PICALM: variants seen among roughly 807,000 people sequenced by gnomAD.
The protein encoded by PICALM is phosphatidylinositol-binding clathrin assembly protein.
In PICALM, 40 loss-of-function variants were observed where a neutral mutation model predicts 80.5. That is an observed-to-expected ratio of 0.50 (90% CI 0.39 to 0.65). PICALM has a LOEUF of 0.65. Among genes scored for constraint, PICALM ranks in the 30% least tolerant of loss-of-function variants. The pLI is 0.00. For missense variants in PICALM, 676 were observed against 778.9 expected, an observed-to-expected ratio of 0.87 and a Z score of 1.57; for synonymous variants, 288 against 260.3, an observed-to-expected ratio of 1.11 and a Z score of -1.02.
intron 18 of PICALM, 58 bp downstream of exon 18, chr11:85,976,565 A>C: frequency 9.6e-7 from 1 of 1,041,244 alleles, no homozygotes; most frequent in East Asian, 2.4e-5. Flanking sequence ...TTGTAATAAA[A>C]ACATGTTATA....
intron 4 of PICALM, among the ~76,000 whole-genome samples, chr11:86,019,718 C>A (rs1362916321): frequency 6.6e-6 from 1 of 152,148 alleles, no homozygotes; most frequent in East Asian, 1.9e-4. Flanking sequence ...AAATAATCAC[C>A]TCCTGATGGA....
At position 86,026,310 on chromosome 11, in the gene PICALM, C is replaced by T; in HGVS notation, c.331G>A (p.Asp111Asn). Reference protein sequence around the residue: ...NTLFNLSNFLDKSGLQGYDMS... With the variant: ...NTLFNLSNFLNKSGLQGYDMS... Reference sequence around the variant, plus strand: ...TCTTTACCTTGCAATCCACTTTTATCCAAAAAATTGCTTAAGTTAAACAAC... The same window carrying T: ...TCTTTACCTTGCAATCCACTTTTATTCAAAAAATTGCTTAAGTTAAACAAC... Residue 111 changes from aspartate to asparagine, a missense_variant, in exon 3 of 20, where the codon GAT becomes AAT. By Grantham distance (23) the Asp-to-Asn change is conservative. Around this residue, in one of 2 missense-constraint regions of PICALM, gnomAD observed 285 missense variants for 395.4 expected, o/e 0.72. Transcript: ENST00000393346. 6.3e-7 allele frequency: 1 copy of T among 1,595,070 alleles called. No individual in the cohort carries two copies. The highest frequency in any genetic ancestry group is 8.6e-7 in the Non-Finnish European group (1 of 1,165,336).
Position 85,996,975 on chromosome 11 carries a change from T to C in PICALM, c.1155-46A>G, listed in dbSNP as rs368049718. 4 of 1,323,392 alleles carry C rather than the reference T, an allele frequency of 3.0e-6. No homozygotes were observed. The African/African-American group carries it at 5.8e-5, about 19-fold the overall frequency. 82.0% of individuals were successfully genotyped at this position (1,323,392 alleles called of 1,614,324 possible). ...CGTGTTTTATTTACCAGAAAAACTT[T>C]GCTACTTTAGTGTCACCTTCTCCAC... On this transcript the variant is annotated intron_variant, in intron 11 of 19. Coordinates refer to ENST00000393346, the MANE Select transcript of PICALM (RefSeq NM_007166.4).
upstream of PICALM, chr11:86,069,354 C>T (rs2137982628): frequency 6.4e-6 from 1 of 155,756 alleles, no homozygotes; most frequent in East Asian, 1.7e-4. Context: ...GCTCGGCCCG[C>T]GGGGTCACAG....
chr11:85,963,003 A>G (rs10898427), intron 19 of PICALM, among the ~76,000 whole-genome samples: 29,088 of 152,166 alleles, frequency 0.19, 3,055 homozygotes, highest in East Asian at 0.48. Flanking sequence ...CAGGAAAATC[A>G]AGAACAAAAT....
At chr11:86,015,377 T>C (rs2095465258) in intron 4 of PICALM, among the ~76,000 whole-genome samples, 1 of 152,228 alleles carries the variant, frequency 6.6e-6, no homozygotes, top group South Asian at 2.1e-4. Context: ...AAACACTCTG[T>C]AGGCCAAGAG....
intron 13 of PICALM, among the ~76,000 whole-genome samples, chr11:85,986,781 C>A (rs1378781089): frequency 1.3e-5 from 2 of 152,222 alleles, no homozygotes; most frequent in Non-Finnish European, 2.9e-5. Context: ...GAAATACACA[C>A]ACACACATAC....
intron 4 of PICALM, 80 bp from the exon 5 acceptor site, chr11:86,015,043 C>A: frequency 2.5e-6 from 2 of 800,684 alleles, no homozygotes; most frequent in South Asian, 3.4e-5. Flanking sequence ...TGGTTTTCTA[C>A]TAAAACAGAG....
intron 5 of PICALM, among the ~76,000 whole-genome samples, chr11:86,012,785 G>C (rs943131116): frequency 6.6e-6 from 1 of 151,064 alleles, no homozygotes; most frequent in Non-Finnish European, 1.5e-5. Flanking sequence ...TGGTAAAAAA[G>C]TTATTTGCAG....
intron 1 of PICALM, among the ~76,000 whole-genome samples, chr11:86,056,596 G>A (rs2096273544): frequency 6.6e-6 from 1 of 152,108 alleles, no homozygotes; most frequent in Non-Finnish European, 1.5e-5. Context: ...CAGTGTCACT[G>A]ATGTGGAAAA....
Position 85,981,912 on chromosome 11 carries a change from T to C in PICALM, c.1608A>G (p.Val536=), listed in dbSNP as rs2094452456. 6.2e-7 allele frequency: 1 copy of C among 1,613,754 alleles called. No individual in the cohort carries two copies. Among genetic ancestry groups the C allele is most frequent in the Non-Finnish European group, 8.5e-7 (1 of 1,179,614 alleles). Residue 536 remains valine (V), a synonymous_variant, in exon 15 of 20, where the codon GTA becomes GTG. Transcript: ENST00000393346. ...CTAAAGATGAATCCAAGTCATCAGA[T>C]ACTAACTTGCTAGGTGGGAGTTTGG... The part of the protein sequence containing the change: ...PVAKLPPSKL[V]SDDLDSSLAN...
intron 7 of PICALM, among the ~76,000 whole-genome samples, 168 bp from the exon 8 acceptor site, chr11:86,007,751 T>C (rs1177226515): frequency 6.6e-6 from 1 of 152,122 alleles, no homozygotes. Context: ...GGCTTAGATA[T>C]TATTTGGTGG....
chr11:85,976,914 C>T (rs955696509), intron 17 of PICALM: 2 of 352,016 alleles, frequency 5.7e-6, no homozygotes, highest in African/African-American at 2.0e-5. Context: ...AACTTAGATA[C>T]AGCAGTGATC....
intron 1 of PICALM, among the ~76,000 whole-genome samples, chr11:86,045,933 A>T (rs377052686): frequency 2.7e-4 from 41 of 152,326 alleles, no homozygotes; most frequent in Admixed American, 1.7e-3. Context: ...TTTTCAAGTT[A>T]ATCTCTTCCT....
In PICALM at chr11:86,014,884, G is replaced by A. The variant is rs567632388; in HGVS notation, c.532C>T (p.Leu178Phe). 3.2e-6 allele frequency: 5 copies of A among 1,542,496 alleles called. No homozygotes were observed. Among genetic ancestry groups the A allele is most frequent in the South Asian group, 2.3e-5 (2 of 86,714 alleles). ...VPIIQNQMDA[L>F]LDFNVNSNEL... Reference sequence around the variant, plus strand: ...GCATAACTCACATTAAAATCAAGAAGTGCATCCATCTGATTCTGAATAATT... The same window carrying A: ...GCATAACTCACATTAAAATCAAGAAATGCATCCATCTGATTCTGAATAATT... The change falls in exon 5 of 20, where the codon CTT becomes TTT. Residue 178 changes from leucine (L) to phenylalanine (F), a missense_variant. By Grantham distance (22) the Leu-to-Phe change is conservative. Coordinates refer to ENST00000393346, the MANE Select transcript of PICALM (RefSeq NM_007166.4).
intron 17 of PICALM, among the ~76,000 whole-genome samples, chr11:85,979,003 C>T (rs1193383549): frequency 6.6e-6 from 1 of 152,026 alleles, no homozygotes; most frequent in African/African-American, 2.4e-5. Flanking sequence ...GGGAAGAAGA[C>T]TGGATTCAGA....
At chr11:86,035,961 A>AAG (rs1309999784) in intron 1 of PICALM, among the ~76,000 whole-genome samples, 56 of 149,264 alleles carry the variant, frequency 3.8e-4, no homozygotes, top group African/African-American at 8.6e-4. Context: ...AAAAAAAAAA[A>AAG]AAAAGAAAAA....
chr11:85,990,123 A>G (rs936391655), intron 13 of PICALM, 127 bp downstream of exon 13: 3 of 442,892 alleles, frequency 6.8e-6, no homozygotes, highest in African/African-American at 6.1e-5. Context: ...ATGGCTGGTT[A>G]GTTTTAGAAT....
chr11:85,965,382 G>A (rs1270783722), intron 19 of PICALM, among the ~76,000 whole-genome samples: 3 of 152,100 alleles, frequency 2.0e-5, no homozygotes, highest in Non-Finnish European at 4.4e-5. Context: ...CTTCAAACAT[G>A]TTTTCCTAAT....
Sources: allele counts gnomAD v4.1 joint callset (sites outside exome capture counted in the v4.1 genomes callset), GRCh38; gene constraint gnomAD v4.1.1; regional missense constraint gnomAD v4.1.1; transcripts MANE v1.5; gene names NCBI Gene and HGNC (gene_info 2026-07-23, HGNC 2026-07-21).